CSMD1: variants seen among roughly 807,000 people sequenced by gnomAD.
CSMD1 encodes the protein CUB and sushi domain-containing protein 1.
In CSMD1, 213 loss-of-function variants were observed where a neutral mutation model predicts 417.5. That is an observed-to-expected ratio of 0.51 (90% CI 0.46 to 0.57). The LOEUF (loss-of-function observed/expected upper bound fraction) is 0.57, where lower values mean the gene tolerates loss of function less well. CSMD1 is among the 20% of genes least tolerant of loss of function. The pLI is 0.00. For missense variants in CSMD1, 6,923 were observed against 4,529.7 expected, an observed-to-expected ratio of 1.53 and a Z score of -15.17; for synonymous variants, 2,862 against 1,736.8, an observed-to-expected ratio of 1.65 and a Z score of -16.11.
At chr8:4,845,040 T>C (rs1311038705) in intron 1 of CSMD1, among the ~76,000 whole-genome samples, 2 of 148,914 alleles carry the variant, frequency 1.3e-5, no homozygotes, top group Non-Finnish European at 3.0e-5. Context: ...TATTTACAAA[T>C]TAAGTTCTAC....
At chr8:4,202,094 T>C (rs1019244196) in intron 3 of CSMD1, among the ~76,000 whole-genome samples, 3 of 55,238 alleles carry the variant, frequency 5.4e-5, no homozygotes, top group Non-Finnish European at 1.5e-4. Context: ...GAGTAAATTT[T>C]GTTTTTTTGT....
intron 3 of CSMD1, among the ~76,000 whole-genome samples, chr8:4,121,882 G>C (rs781028623): frequency 7.9e-5 from 12 of 152,020 alleles, no homozygotes; most frequent in Non-Finnish European, 7.4e-5. Context: ...TAAACTATTA[G>C]AATGACTCTC....
chr8:4,793,427 C>T (rs1440267570), intron 1 of CSMD1, among the ~76,000 whole-genome samples: 2 of 151,928 alleles, frequency 1.3e-5, no homozygotes, highest in African/African-American at 4.8e-5. Context: ...CCCTCCTCCC[C>T]CAGCTCTTTA....
chr8:4,572,502 G>A (rs1200638911), intron 2 of CSMD1, among the ~76,000 whole-genome samples: 1 of 152,188 alleles, frequency 6.6e-6, no homozygotes, highest in Non-Finnish European at 1.5e-5. Context: ...AGTCTGACGG[G>A]CTTGCCTTTG....
intron 5 of CSMD1, among the ~76,000 whole-genome samples, chr8:3,863,827 A>T (rs1396757476): frequency 6.6e-6 from 1 of 152,194 alleles, no homozygotes; most frequent in Non-Finnish European, 1.5e-5. Context: ...GACGAAAAAA[A>T]AAATCAGAAA....
intron 2 of CSMD1, among the ~76,000 whole-genome samples, chr8:4,471,077 C>A (rs1015075315): frequency 1.3e-5 from 2 of 152,062 alleles, no homozygotes; most frequent in Non-Finnish European, 2.9e-5. Context: ...CAGTTAAAAT[C>A]TTTGACATAT....
At chr8:4,897,510 A>C (rs960257829) in intron 1 of CSMD1, among the ~76,000 whole-genome samples, 1 of 152,098 alleles carries the variant, frequency 6.6e-6, no homozygotes, top group South Asian at 2.1e-4. Flanking sequence ...ATAACCTCTC[A>C]TATCCTATTC....
At chr8:3,379,977 A>C (rs1368827331) in intron 18 of CSMD1, among the ~76,000 whole-genome samples, 1 of 152,062 alleles carries the variant, frequency 6.6e-6, no homozygotes, top group Non-Finnish European at 1.5e-5. Flanking sequence ...TGGGAGAAAA[A>C]TTTTGCAATC....
intron 11 of CSMD1, among the ~76,000 whole-genome samples, chr8:3,487,545 A>G (rs1818122790): frequency 1.3e-5 from 2 of 152,268 alleles, no homozygotes; most frequent in African/African-American, 2.4e-5. Flanking sequence ...GCATATATAA[A>G]TCGATACATC....
At chr8:3,429,996 G>A (rs768043389) in intron 12 of CSMD1, among the ~76,000 whole-genome samples, 7 of 152,006 alleles carry the variant, frequency 4.6e-5, no homozygotes, top group Non-Finnish European at 1.0e-4. Context: ...ATGTGTGTAT[G>A]GGTATACATG....
intron 2 of CSMD1, among the ~76,000 whole-genome samples, chr8:4,508,482 A>G (rs1185398459): frequency 6.6e-6 from 1 of 152,196 alleles, no homozygotes; most frequent in Non-Finnish European, 1.5e-5. Flanking sequence ...AATTTAATTT[A>G]GTAGTATTTT....
chr8:4,299,350 C>A (rs1797857677), intron 3 of CSMD1, among the ~76,000 whole-genome samples: 1 of 152,138 alleles, frequency 6.6e-6, no homozygotes, highest in South Asian at 2.1e-4. Flanking sequence ...GGGGTTTTTA[C>A]TTGACATATT....
At chr8:4,162,429 T>C (rs1797227895) in intron 3 of CSMD1, among the ~76,000 whole-genome samples, 2 of 152,150 alleles carry the variant, frequency 1.3e-5, no homozygotes, top group Non-Finnish European at 2.9e-5. Flanking sequence ...ACTGATAAAA[T>C]AATAAACAGA....
chr8:3,133,382 T>C (rs1391628142), intron 41 of CSMD1, among the ~76,000 whole-genome samples: 1 of 152,128 alleles, frequency 6.6e-6, no homozygotes, highest in Non-Finnish European at 1.5e-5. Context: ...TTTACAATCG[T>C]CCTCAGTCTC....
chr8:4,814,371 G>A (rs756321647), intron 1 of CSMD1, among the ~76,000 whole-genome samples: 14 of 152,092 alleles, frequency 9.2e-5, no homozygotes, highest in South Asian at 2.1e-4. Flanking sequence ...TCAGTCTCCC[G>A]AGTAGCTGGG....
intron 2 of CSMD1, among the ~76,000 whole-genome samples, chr8:4,446,423 C>T (rs1798792341): frequency 6.6e-6 from 1 of 152,126 alleles, no homozygotes; most frequent in African/African-American, 2.4e-5. Context: ...TGGTGCACAC[C>T]TGTAGTCCCC....
intron 10 of CSMD1, among the ~76,000 whole-genome samples, chr8:3,561,835 G>C (rs1257439332): frequency 6.6e-6 from 1 of 152,212 alleles, no homozygotes; most frequent in Non-Finnish European, 1.5e-5. Flanking sequence ...TAGTCACTGA[G>C]GAAGGAGAAA....
intron 1 of CSMD1, among the ~76,000 whole-genome samples, chr8:4,861,708 G>T (rs1802142671): frequency 6.6e-6 from 1 of 151,936 alleles, no homozygotes; most frequent in Non-Finnish European, 1.5e-5. Context: ...AGGTTAATTT[G>T]CTTTAAATAT....
At chr8:3,270,632 C>G (rs918221466) in intron 26 of CSMD1, among the ~76,000 whole-genome samples, 1 of 152,088 alleles carries the variant, frequency 6.6e-6, no homozygotes, top group African/African-American at 2.4e-5. Flanking sequence ...ATAATGTGTT[C>G]TTTACTCATC....
Sources: gnomAD v4.1 joint callset for allele counts (sites outside exome capture counted in the v4.1 genomes callset) on GRCh38, gnomAD v4.1.1 for gene constraint, MANE v1.5 for transcripts, NCBI Gene and HGNC (gene_info 2026-07-23, HGNC 2026-07-21) for gene names.